Variants in NDST4 observed in about 807,000 individuals in gnomAD.
NDST4 encodes the protein N-deacetylase and N-sulfotransferase 4, also known as N-heparan sulfate sulfotransferase 4.
A neutral mutation model predicts 100.8 loss-of-function variants in NDST4; 63 were observed. That is an observed-to-expected ratio of 0.62 (90% CI 0.51 to 0.77). The LOEUF is 0.77. Among genes scored for constraint, NDST4 ranks in the 30% least tolerant of loss-of-function variants. The pLI is 0.00. For missense variants in NDST4, 943 were observed against 1,018.4 expected, an observed-to-expected ratio of 0.93 and a Z score of 1.01; for synonymous variants, 377 against 361.8, an observed-to-expected ratio of 1.04 and a Z score of -0.48.
Position 114,969,321 on chromosome 4 carries a change from G to GAAA in NDST4, c.1221+1106_1221+1108dup, listed in dbSNP as rs70964334. Among the ~76,000 whole-genome samples the GAAA allele has an allele frequency of 4.0e-4, 36 of 90,748 alleles. 1 individual carries two copies. Among genetic ancestry groups the GAAA allele is most frequent in the African/African-American group, 1.2e-3 (30 of 24,422 alleles). 59.5% of individuals were successfully genotyped at this position (90,748 alleles called of 152,430 possible). On this transcript the variant is annotated intron_variant, in intron 4 of 13. Coordinates refer to ENST00000264363, the MANE Select transcript of NDST4 (RefSeq NM_022569.3). The stretch of plus-strand genomic sequence containing the variant: ...AGAGCGAGACTCCGTCTCAAAAAAA[G>GAAA]AAAAAAAAAAAAAAAAAAAAAAAAA...
chr4:115,048,019 G>A (rs1578481024), intron 2 of NDST4, among the ~76,000 whole-genome samples: 1 of 151,706 alleles, frequency 6.6e-6, no homozygotes, highest in African/African-American at 2.4e-5. Context: ...AAGCTATTTT[G>A]TATTCTTTCC....
chr4:114,974,459 G>A (rs990962552), intron 3 of NDST4, among the ~76,000 whole-genome samples: 1 of 151,978 alleles, frequency 6.6e-6, no homozygotes, highest in African/African-American at 2.4e-5. Context: ...TATTGATTGG[G>A]TCACATTTAA....
At chr4:114,993,802 A>T (rs987040270) in intron 2 of NDST4, among the ~76,000 whole-genome samples, 1 of 151,882 alleles carries the variant, frequency 6.6e-6, no homozygotes, top group Admixed American at 6.6e-5. Context: ...CAGTTGTACC[A>T]CTGCAACTCA....
chr4:114,831,046 ACTTTT>A (rs1408425969), intron 12 of NDST4, among the ~76,000 whole-genome samples: 1 of 151,676 alleles, frequency 6.6e-6, no homozygotes, highest in African/African-American at 2.4e-5. Flanking sequence ...TCCAACCTGG[ACTTTT>A]CTTTTTTTTT....
intron 6 of NDST4, among the ~76,000 whole-genome samples, chr4:114,907,113 C>T (rs1724965393): frequency 6.6e-6 from 1 of 152,054 alleles, no homozygotes; most frequent in Non-Finnish European, 1.5e-5. Flanking sequence ...AAATTATTTA[C>T]CCCTGACAAT....
chr4:114,985,399 T>A (rs1303460280), intron 2 of NDST4, among the ~76,000 whole-genome samples: 1 of 152,200 alleles, frequency 6.6e-6, no homozygotes, highest in Non-Finnish European at 1.5e-5. Flanking sequence ...TTGGACTGTA[T>A]GTTTTAGGTA....
chr4:114,960,483 G>A (rs1297942735), intron 4 of NDST4, among the ~76,000 whole-genome samples: 1 of 151,990 alleles, frequency 6.6e-6, no homozygotes, highest in East Asian at 1.9e-4. Flanking sequence ...GCAGGTGCCT[G>A]TAATCCCAGC....
rs954750403 is a variant in NDST4 at position 114,951,184 on chromosome 4, C to T, written c.1222-13681G>A. On this transcript the variant is annotated intron_variant, in intron 4 of 13. Coordinates refer to ENST00000264363, the MANE Select transcript of NDST4 (RefSeq NM_022569.3). ...GGAAAACAATAATTTCAAAGATTCA[C>T]GTGTTCACATGCACATGAATGAACA... is the stretch of plus-strand genomic sequence containing the variant. 3.9e-5 allele frequency among the ~76,000 whole-genome samples: 6 copies of T among 152,046 alleles called. No individual in the cohort carries two copies. The South Asian group carries it at 8.3e-4, about 21-fold the overall frequency.
At chr4:114,965,814 T>C (rs1302217136) in intron 4 of NDST4, among the ~76,000 whole-genome samples, 2 of 152,046 alleles carry the variant, frequency 1.3e-5, no homozygotes, top group Non-Finnish European at 2.9e-5. Context: ...GTTCAGTGTA[T>C]GGTATATGCA....
chr4:114,970,301 A>T, intron 4 of NDST4, 129 bp downstream of exon 4: 2 of 765,880 alleles, frequency 2.6e-6, no homozygotes, highest in Non-Finnish European at 4.0e-6. Flanking sequence ...TACCCTCAAT[A>T]CATGTGATGC....
At chr4:114,946,475 A>G (rs1725866062) in intron 4 of NDST4, among the ~76,000 whole-genome samples, 2 of 152,218 alleles carry the variant, frequency 1.3e-5, no homozygotes, top group South Asian at 2.1e-4. Context: ...TCACTCAGCC[A>G]TGGTTTAATG....
chr4:115,105,836 C>T (rs1030933583), intron 1 of NDST4, among the ~76,000 whole-genome samples: 2 of 152,086 alleles, frequency 1.3e-5, no homozygotes, highest in East Asian at 3.9e-4. Flanking sequence ...AAACAAATTC[C>T]TTTTGCATAA....
intron 7 of NDST4, among the ~76,000 whole-genome samples, chr4:114,864,187 T>A (rs1213180630): frequency 6.6e-6 from 1 of 152,208 alleles, no homozygotes; most frequent in Non-Finnish European, 1.5e-5. Flanking sequence ...CACGTGCCTA[T>A]TCTAGATAAC....
At chr4:114,969,028 T>C (rs1726445395) in intron 4 of NDST4, among the ~76,000 whole-genome samples, 1 of 152,218 alleles carries the variant, frequency 6.6e-6, no homozygotes, top group African/African-American at 2.4e-5. Flanking sequence ...TCTAGAGTCA[T>C]GGCTCCAAAC....
At chr4:114,969,616 C>G (rs1348503525) in intron 4 of NDST4, among the ~76,000 whole-genome samples, 1 of 152,076 alleles carries the variant, frequency 6.6e-6, no homozygotes, top group African/African-American at 2.4e-5. Context: ...GGCCTCTAGC[C>G]CCATCCATGT....
intron 2 of NDST4, among the ~76,000 whole-genome samples, chr4:114,986,892 T>G (rs959057044): frequency 6.8e-6 from 1 of 147,202 alleles, no homozygotes; most frequent in Non-Finnish European, 1.5e-5. Flanking sequence ...CTTATAAAAT[T>G]TTTTTGTCTT....
intron 4 of NDST4, among the ~76,000 whole-genome samples, chr4:114,958,702 T>G (rs1284817664): frequency 6.6e-6 from 1 of 152,200 alleles, no homozygotes; most frequent in African/African-American, 2.4e-5. Context: ...TGACAGGTAC[T>G]GGAGACGTTT....
chr4:115,074,437 CTT>C (rs1729139163), intron 2 of NDST4, among the ~76,000 whole-genome samples: 1 of 151,928 alleles, frequency 6.6e-6, no homozygotes, highest in Admixed American at 6.6e-5. Flanking sequence ...TAACTGTCCT[CTT>C]GTTAAGCCTA....
chr4:115,098,565 T>A (rs891586897), intron 1 of NDST4, among the ~76,000 whole-genome samples: 18 of 152,170 alleles, frequency 1.2e-4, no homozygotes, highest in Non-Finnish European at 2.6e-4. Context: ...GGATAGATAC[T>A]AACAAACTTC....
Sources: gnomAD v4.1 joint callset for allele counts (sites outside exome capture counted in the v4.1 genomes callset) on GRCh38, gnomAD v4.1.1 for gene constraint, MANE v1.5 for transcripts, NCBI Gene and HGNC (gene_info 2026-07-23, HGNC 2026-07-21) for gene names.